Variants in PTPRN2 observed in about 807,000 individuals in gnomAD.
PTPRN2 encodes protein tyrosine phosphatase receptor type N2.
PTPRN2 carries 74 observed loss-of-function variants against 118.8 expected under a neutral mutation model. The ratio of observed to expected loss-of-function variants is 0.62; its 90% confidence interval spans 0.52 to 0.76. The LOEUF (loss-of-function observed/expected upper bound fraction) is 0.76, where lower values mean the gene tolerates loss of function less well. Among genes scored for constraint, PTPRN2 ranks in the 30% least tolerant of loss-of-function variants. The probability of loss-of-function intolerance (pLI) is 0.00; values close to 1 mark genes in which losing one functional copy is unlikely to be tolerated. For synonymous variants in PTPRN2, 641 were observed against 608.0 expected, an observed-to-expected ratio of 1.05 and a Z score of -0.80; for missense variants, 1,481 against 1,394.4, an observed-to-expected ratio of 1.06 and a Z score of -0.99.
At chr7:158,564,398 C>G (rs1294689703) in intron 1 of PTPRN2, among the ~76,000 whole-genome samples, 3 of 152,246 alleles carry the variant, frequency 2.0e-5, no homozygotes, top group Non-Finnish European at 1.5e-5. Flanking sequence ...AGCCAATCGA[C>G]CTGTGAGCAG....
chr7:157,635,442 C>G (rs1174767104), intron 14 of PTPRN2, among the ~76,000 whole-genome samples: 2 of 152,274 alleles, frequency 1.3e-5, no homozygotes, highest in Non-Finnish European at 2.9e-5. Flanking sequence ...CACGGCAGTG[C>G]TGCCATGAAG....
At chr7:157,724,193 TC>T (rs1266009385) in intron 12 of PTPRN2, among the ~76,000 whole-genome samples, 1 of 152,114 alleles carries the variant, frequency 6.6e-6, no homozygotes, top group Non-Finnish European at 1.5e-5. Flanking sequence ...AATTTAGGCT[TC>T]CCCCGTCTGA....
intron 14 of PTPRN2, among the ~76,000 whole-genome samples, chr7:157,640,687 A>G (rs1804615529): frequency 6.6e-6 from 1 of 152,264 alleles, no homozygotes; most frequent in African/African-American, 2.4e-5. Context: ...GGAAGGAGCT[A>G]GAGCTGGCAC....
intron 3 of PTPRN2, among the ~76,000 whole-genome samples, chr7:158,225,626 G>T (rs1828710742): frequency 6.6e-6 from 1 of 152,214 alleles, no homozygotes; most frequent in Non-Finnish European, 1.5e-5. Flanking sequence ...TAAGATCCAA[G>T]TTGGAGTGCA....
At chr7:158,234,521 AAT>A (rs1281120242) in intron 3 of PTPRN2, among the ~76,000 whole-genome samples, 6 of 151,778 alleles carry the variant, frequency 4.0e-5, no homozygotes, top group Non-Finnish European at 7.4e-5. Context: ...ATAGTCATCA[AAT>A]AAAAACATAC....
chr7:158,456,625 T>C (rs1178774911), intron 2 of PTPRN2, among the ~76,000 whole-genome samples: 1 of 151,982 alleles, frequency 6.6e-6, no homozygotes, highest in Non-Finnish European at 1.5e-5. Flanking sequence ...CCATCGGCCA[T>C]GGCCACCCAT....
At chr7:158,358,852 G>A (rs912442072) in intron 2 of PTPRN2, among the ~76,000 whole-genome samples, 1 of 152,220 alleles carries the variant, frequency 6.6e-6, no homozygotes, top group South Asian at 2.1e-4. Context: ...GTTGGCAGGT[G>A]GATGGTGGTG....
intron 12 of PTPRN2, among the ~76,000 whole-genome samples, chr7:157,818,015 G>A (rs557806004): frequency 1.7e-4 from 26 of 151,878 alleles, no homozygotes; most frequent in African/African-American, 3.9e-4. Flanking sequence ...GCATGTGTGC[G>A]GTGTGTGTAT....
intron 10 of PTPRN2, among the ~76,000 whole-genome samples, chr7:158,095,964 T>C (rs1450951860): frequency 6.6e-6 from 1 of 152,196 alleles, no homozygotes; most frequent in Non-Finnish European, 1.5e-5. Flanking sequence ...CTACCTGGTG[T>C]CCAGTACCCA....
chr7:158,116,928 A>G (rs1298266865), intron 9 of PTPRN2, among the ~76,000 whole-genome samples: 1 of 152,224 alleles, frequency 6.6e-6, no homozygotes, highest in African/African-American at 2.4e-5. Context: ...ATTTAAAAGA[A>G]AGATAAACAA....
chr7:157,877,857 C>T lies in PTPRN2; in HGVS notation c.1788+20816G>A, dbSNP rs374898193. ...CTTCGCCAAAATCATCAAAACATCC[C>T]ACGATCAGCTCTGCTTGACCGGGGA... On this transcript the variant is annotated intron_variant, in intron 12 of 22. Transcript: ENST00000389418. Among the ~76,000 whole-genome samples, 9 of 152,288 alleles carry T rather than the reference C, an allele frequency of 5.9e-5. No individual in the cohort carries two copies. The East Asian group carries it at 1.7e-3, about 29-fold the overall frequency.
rs1247113756 is a variant in PTPRN2, at chr7:157,617,429, G to A, written c.2344+3933C>T. 7.1e-6 allele frequency: 1 copy of A among 141,482 alleles called. No homozygotes were observed. Among genetic ancestry groups the A allele is most frequent in the Non-Finnish European group, 1.5e-5 (1 of 65,946 alleles). The allele number at this position is 141,482 out of a possible 1,614,324, so 8.8% of individuals were successfully genotyped here. ...GCCCCAGTGATGCCGTGGTTAGGAC[G>A]CCGTTCACGCAGCTGCAGCGCAGAG... On this transcript the variant is annotated intron_variant, in intron 15 of 22. Coordinates refer to ENST00000389418, the MANE Select transcript of PTPRN2 (RefSeq NM_002847.5). The surrounding 1 kb of genome is among the most constrained non-coding windows in gnomAD (Gnocchi z 7.5).
At chr7:157,937,509 G>A (rs977559147) in intron 11 of PTPRN2, among the ~76,000 whole-genome samples, 2 of 152,256 alleles carry the variant, frequency 1.3e-5, no homozygotes, top group African/African-American at 4.8e-5. Context: ...AGCATCGGAT[G>A]AGAGAATAAA....
chr7:158,378,843 A>G lies in PTPRN2; in HGVS notation c.164-61911T>C, dbSNP rs573170395. Among the ~76,000 whole-genome samples, 7 of 152,368 alleles carry G rather than the reference A, an allele frequency of 4.6e-5. No individual in the cohort carries two copies. The South Asian group carries it at 1.2e-3, about 27-fold the overall frequency. On this transcript the variant is annotated intron_variant, in intron 2 of 22. Transcript: ENST00000389418. ...ATTAGTAATAGCTGAGATATTATAT[A>G]TAAAATACTTGACAAAATTCTTACC...
chr7:157,608,205 C>T lies in PTPRN2; in HGVS notation c.2345-4130G>A, dbSNP rs188576138. ...GCCTCAGCCTCCCGAGTAGCTGGGA[C>T]TACAGGCACGCACCACTGCACATGG... On this transcript the variant is annotated intron_variant, in intron 15 of 22. Transcript: ENST00000389418. Among the ~76,000 whole-genome samples, 86 of 152,260 alleles carry T rather than the reference C, an allele frequency of 5.6e-4. No individual in the cohort carries two copies. The East Asian group carries it at 7.3e-3, about 13-fold the overall frequency.
chr7:158,121,353 C>G (rs752124008), intron 9 of PTPRN2, among the ~76,000 whole-genome samples: 3 of 152,202 alleles, frequency 2.0e-5, no homozygotes, highest in Non-Finnish European at 4.4e-5. Flanking sequence ...GTGCTTTGAT[C>G]AGCACCACTC....
intron 4 of PTPRN2, among the ~76,000 whole-genome samples, chr7:158,201,462 CTAAAATA>C (rs1826644193): frequency 6.6e-6 from 1 of 152,178 alleles, no homozygotes; most frequent in African/African-American, 2.4e-5. Context: ...ATATTTAACT[CTAAAATA>C]TATTTCCTTG....
intron 2 of PTPRN2, among the ~76,000 whole-genome samples, chr7:158,320,579 C>A (rs923737617): frequency 6.9e-6 from 1 of 144,740 alleles, no homozygotes; most frequent in Non-Finnish European, 1.5e-5. Context: ...CGTGTTCCCA[C>A]GTCCTCGGCA....
rs184891549 is a variant in PTPRN2, at chr7:158,264,935, C to T, written c.277+51884G>A. On this transcript the variant is annotated intron_variant, in intron 3 of 22. Coordinates refer to ENST00000389418, the MANE Select transcript of PTPRN2 (RefSeq NM_002847.5). ...CTTCCCTCCCTTTTCTGCCTTTACA[C>T]GAAGAGCCCCCTGACCCTCACCTGC... Among the ~76,000 whole-genome samples the T allele has an allele frequency of 8.6e-4, 131 of 152,194 alleles. 1 individual carries two copies. Among genetic ancestry groups the T allele is most frequent in the African/African-American group, 3.0e-3 (123 of 41,516 alleles).
Sources: allele counts gnomAD v4.1 joint callset (sites outside exome capture counted in the v4.1 genomes callset), GRCh38; gene constraint gnomAD v4.1.1; non-coding constraint Gnocchi (gnomAD v3.1); transcripts MANE v1.5; gene names NCBI Gene and HGNC (gene_info 2026-07-23, HGNC 2026-07-21).